Variants in PDE4D observed in about 807,000 individuals in gnomAD.
PDE4D encodes 3',5'-cyclic-AMP phosphodiesterase 4D.
Under a neutral mutation model 87.4 loss-of-function variants are expected in PDE4D, and 24 were observed. The observed-to-expected ratio is 0.27, with a 90% CI of 0.20 to 0.39. The LOEUF (loss-of-function observed/expected upper bound fraction) is 0.39. Ranked by LOEUF, PDE4D falls within the 10% of genes least tolerant of loss-of-function variation. PDE4D has a pLI of 1.00. For synonymous variants in PDE4D, 384 were observed against 383.2 expected (o/e 1.00, Z -0.02); for missense variants, 714 against 1,041.0 (o/e 0.69, Z 4.32).
chr5:60,508,966 C>A (rs1343870516), intron 1 of PDE4D, among the ~76,000 whole-genome samples: 1 of 151,750 alleles, frequency 6.6e-6, no homozygotes, highest in African/African-American at 2.4e-5. Flanking sequence ...GTGGCATGAT[C>A]TCGGTTCACT....
chr5:59,948,844 G>A (rs974046080), intron 3 of PDE4D, among the ~76,000 whole-genome samples: 3 of 152,294 alleles, frequency 2.0e-5, no homozygotes, highest in South Asian at 2.1e-4. Flanking sequence ...ACTTAGCCAC[G>A]AACTACCTTA....
At chr5:59,205,749 G>T (rs1211715251) in intron 2 of PDE4D, among the ~76,000 whole-genome samples, 5 of 150,452 alleles carry the variant, frequency 3.3e-5, no homozygotes, top group Non-Finnish European at 7.4e-5. Context: ...AATTCAATTT[G>T]AAGTTCTGTA....
chr5:59,025,814 GC>G (rs1756111061), intron 6 of PDE4D, among the ~76,000 whole-genome samples: 1 of 152,206 alleles, frequency 6.6e-6, no homozygotes, highest in Non-Finnish European at 1.5e-5. Context: ...TTGCCTCTTT[GC>G]TATGGACACA....
At chr5:59,978,794 C>T (rs981770979) in intron 3 of PDE4D, among the ~76,000 whole-genome samples, 3 of 152,256 alleles carry the variant, frequency 2.0e-5, no homozygotes, top group African/African-American at 7.2e-5. Flanking sequence ...AAGAAATTGT[C>T]ACAGCCACCC....
chr5:59,004,643 A>ATACT (rs1290908131), intron 6 of PDE4D, among the ~76,000 whole-genome samples: 5 of 152,258 alleles, frequency 3.3e-5, no homozygotes, highest in Non-Finnish European at 7.3e-5. Context: ...AAAATATTTA[A>ATACT]TACTTATACG....
At chr5:60,186,046 C>A (rs568353546) in intron 1 of PDE4D, among the ~76,000 whole-genome samples, 3 of 151,768 alleles carry the variant, frequency 2.0e-5, no homozygotes, top group Admixed American at 2.0e-4. Flanking sequence ...GCTAAGGATT[C>A]GACAATTTTT....
intron 1 of PDE4D, among the ~76,000 whole-genome samples, chr5:60,231,451 C>G (rs948222721): frequency 6.6e-6 from 1 of 151,756 alleles, no homozygotes; most frequent in South Asian, 2.1e-4. Flanking sequence ...AAGAGAAAAA[C>G]TGAGCTGTGC....
intron 3 of PDE4D, among the ~76,000 whole-genome samples, chr5:59,979,188 T>C (rs539007207): frequency 2.0e-5 from 3 of 151,848 alleles, no homozygotes; most frequent in Non-Finnish European, 4.4e-5. Flanking sequence ...AAAGCCAAAA[T>C]CACATGTTAA....
chr5:59,415,352 G>T (rs1008002166), intron 1 of PDE4D, among the ~76,000 whole-genome samples: 1 of 152,156 alleles, frequency 6.6e-6, no homozygotes, highest in East Asian at 1.9e-4. Context: ...GAAAAAACTT[G>T]CCCAGGTTGG....
At chr5:59,868,935 G>A (rs1747426469) in intron 1 of PDE4D, among the ~76,000 whole-genome samples, 1 of 152,116 alleles carries the variant, frequency 6.6e-6, no homozygotes, top group South Asian at 2.1e-4. Context: ...CTGTAGAATG[G>A]GAAATGCAGC....
chr5:59,817,743 C>CA (rs1561709787), intron 1 of PDE4D, among the ~76,000 whole-genome samples: 1 of 114,878 alleles, frequency 8.7e-6, no homozygotes, highest in Non-Finnish European at 2.2e-5. Context: ...CACACCCACA[C>CA]CCCCCCCCAC....
chr5:59,191,991 A>C (rs1581279716), intron 3 of PDE4D, among the ~76,000 whole-genome samples: 4 of 152,354 alleles, frequency 2.6e-5, no homozygotes, highest in African/African-American at 9.6e-5. Flanking sequence ...TACTAGAAAG[A>C]ATTCATAATC....
intron 2 of PDE4D, among the ~76,000 whole-genome samples, chr5:60,148,708 T>C (rs1475243217): frequency 6.6e-6 from 1 of 152,196 alleles, no homozygotes; most frequent in East Asian, 1.9e-4. Context: ...CACAAGGACA[T>C]AGCTGCCATT....
At chr5:59,511,269 G>A (rs1810239829) in intron 1 of PDE4D, among the ~76,000 whole-genome samples, 1 of 151,888 alleles carries the variant, frequency 6.6e-6, no homozygotes, top group Non-Finnish European at 1.5e-5. Flanking sequence ...AGAATATTAT[G>A]TAGTAATCAA....
intron 1 of PDE4D, among the ~76,000 whole-genome samples, chr5:59,452,112 G>A (rs1799256079): frequency 6.6e-6 from 1 of 152,022 alleles, no homozygotes; most frequent in Non-Finnish European, 1.5e-5. Context: ...TATTTTCTGT[G>A]TAGCCCAAGA....
chr5:59,599,874 A>G (rs1431558210), intron 1 of PDE4D, among the ~76,000 whole-genome samples: 1 of 152,122 alleles, frequency 6.6e-6, no homozygotes, highest in Non-Finnish European at 1.5e-5. Flanking sequence ...AAAGGAAGAA[A>G]AGAGTTTTGT....
At chr5:60,480,943 T>A (rs531359548) in intron 1 of PDE4D, among the ~76,000 whole-genome samples, 1 of 152,284 alleles carries the variant, frequency 6.6e-6, no homozygotes, top group Admixed American at 6.5e-5. Context: ...GCTTTTGGAA[T>A]GAGCTAGGGA....
At chr5:60,429,718 G>T (rs1423424749) in intron 1 of PDE4D, among the ~76,000 whole-genome samples, 1 of 152,104 alleles carries the variant, frequency 6.6e-6, no homozygotes, top group Non-Finnish European at 1.5e-5. Flanking sequence ...CTATTGAGAT[G>T]ATCATGTGTT....
chr5:59,586,854 T>G (rs2153702056), intron 1 of PDE4D: 1 of 985,356 alleles, frequency 1.0e-6, no homozygotes, highest in East Asian at 1.1e-4. Flanking sequence ...CATGCTGTCC[T>G]TTAGAAATGA....
Sources: allele counts gnomAD v4.1 joint callset (sites outside exome capture counted in the v4.1 genomes callset), GRCh38; gene constraint gnomAD v4.1.1; transcripts MANE v1.5; gene names NCBI Gene and HGNC (gene_info 2026-07-23, HGNC 2026-07-21).